The following RFLNA variants were observed in gnomAD, a reference collection of about 807,000 sequenced individuals.
RFLNA encodes the protein refilin-A.
In RFLNA, 5 loss-of-function variants were observed where a neutral mutation model predicts 7.8. The observed-to-expected ratio is 0.64, with a 90% CI of 0.34 to 1.35. The LOEUF is 1.35. Ranked by LOEUF, RFLNA falls within the 40% of genes most tolerant of loss-of-function variation. The probability of loss-of-function intolerance (pLI) is 0.04; values close to 1 mark genes in which losing one functional copy is unlikely to be tolerated. For synonymous variants in RFLNA, 141 were observed against 131.3 expected, an observed-to-expected ratio of 1.07 and a Z score of -0.50; for missense variants, 278 against 305.5, an observed-to-expected ratio of 0.91 and a Z score of 0.67.
In RFLNA at chr12:124,311,789, T is replaced by A. The variant is rs769199159; in HGVS notation, c.208-29T>A. 6 of 1,529,138 alleles carry A rather than the reference T, an allele frequency of 3.9e-6. No individual in the cohort carries two copies. The Admixed American group carries it at 1.2e-4, about 30-fold the overall frequency. 94.7% of individuals were successfully genotyped at this position (1,529,138 alleles called of 1,614,324 possible). A position where few individuals can be genotyped will look rare whatever the true frequency, so the allele number is the denominator to read the frequency against. ...GAGGCCACTGCAACAAGGGGCTGCA[T>A]AACCCCGTGTCCCTGGCTCTCCCCA... On this transcript the variant is annotated intron_variant, in intron 1 of 2. Coordinates refer to ENST00000546355, the MANE Select transcript of RFLNA (RefSeq NM_001365156.1).
At position 124,290,052 on chromosome 12, in the gene RFLNA, ACTT is replaced by A. The variant is rs1335081844; in HGVS notation, c.-37+688_-37+690del. ...CGCCCCTTTGAACTCCTCCACTTCA[ACTT>A]CTTCTGTGGCTACTTTCAAACCCTC... On this transcript the variant is annotated intron_variant, in intron 1 of 2. Coordinates refer to the RFLNA transcript ENST00000324038. The surrounding 1 kb of genome is among the most constrained non-coding windows in gnomAD (Gnocchi z 4.0). 6.6e-6 allele frequency among the ~76,000 whole-genome samples: 1 copy of A among 152,028 alleles called. No individual in the cohort carries two copies. Among genetic ancestry groups the A allele is most frequent in the Non-Finnish European group, 1.5e-5 (1 of 67,998 alleles).
At chr12:124,305,350 C>G (rs755241423) in intron 1 of RFLNA, among the ~76,000 whole-genome samples, 1 of 152,224 alleles carries the variant, frequency 6.6e-6, no homozygotes, top group Non-Finnish European at 1.5e-5. Context: ...GTCCTCCTAA[C>G]GGCCCACTTC....
intron 1 of RFLNA, among the ~76,000 whole-genome samples, chr12:124,299,782 T>C (rs868145701): frequency 3.3e-4 from 51 of 152,258 alleles, no homozygotes; most frequent in Admixed American, 3.3e-4. Flanking sequence ...CTCACAGATA[T>C]TTAAAGCGGG....
rs987550698 is a variant in RFLNA, at chr12:124,306,156, G to A, written c.208-5662G>A. On this transcript the variant is annotated intron_variant, in intron 1 of 2. Transcript: ENST00000546355. The surrounding 1 kb of genome is among the most constrained non-coding windows in gnomAD (Gnocchi z 5.2). ...GTGTGGGGTCTCCCCTCCCCATAGT[G>A]CAGGGGCGGAGAGGTGCCAGGTCCT... Among the ~76,000 whole-genome samples, 7 of 152,044 alleles carry A rather than the reference G, an allele frequency of 4.6e-5. No individual in the cohort carries two copies. Among genetic ancestry groups the A allele is most frequent in the African/African-American group, 1.7e-4 (7 of 41,388 alleles).
At chr12:124,298,990 G>C (rs1325510968) in intron 1 of RFLNA, among the ~76,000 whole-genome samples, 2 of 152,254 alleles carry the variant, frequency 1.3e-5, no homozygotes, top group Non-Finnish European at 2.9e-5. Context: ...AAAGAGGCAG[G>C]GACCACCGGA....
At chr12:124,308,981 A>G (rs1268716423) in intron 1 of RFLNA, among the ~76,000 whole-genome samples, 1 of 152,226 alleles carries the variant, frequency 6.6e-6, no homozygotes, top group East Asian at 1.9e-4. Context: ...GGCGTTTTTC[A>G]ACCTACTGAA....
Position 124,302,929 on chromosome 12 carries a change from G to C in RFLNA, c.207+7293G>C, listed in dbSNP as rs367615230. ...TGGCTTTCATAAGGACGCCTCTCCC[G>C]CGGCCCGTGTGGGGCTCCCTGGCTA... On this transcript the variant is annotated intron_variant, in intron 1 of 2. Coordinates refer to ENST00000546355, the MANE Select transcript of RFLNA (RefSeq NM_001365156.1). Among the ~76,000 whole-genome samples, 873 of 152,094 alleles carry C rather than the reference G, an allele frequency of 5.7e-3. 11 individuals carry two copies. Among genetic ancestry groups the C allele is most frequent in the Non-Finnish European group, 7.4e-3 (504 of 67,984 alleles).
At chr12:124,293,174 G>A (rs538788403), upstream of RFLNA, among the ~76,000 whole-genome samples, 7 of 152,246 alleles carry the variant, frequency 4.6e-5, no homozygotes, top group Non-Finnish European at 8.8e-5. Flanking sequence ...GGATCCACCC[G>A]CCTCAGCTTC....
rs2034314302 is a variant in RFLNA at position 124,314,512 on chromosome 12, C to T, written c.638C>T (p.Pro213Leu). The T allele has an allele frequency of 1.9e-6, 3 of 1,581,340 alleles. No homozygotes were observed. The highest frequency in any genetic ancestry group is 2.6e-6 in the Non-Finnish European group (3 of 1,170,664). ...GACCCTGCCCCCAGCCTCCTGGGCCCTGCCACGCTCTGACGGGGCTGGGGC... is the reference window on the plus strand; with the variant it reads ...GACCCTGCCCCCAGCCTCCTGGGCCTTGCCACGCTCTGACGGGGCTGGGGC... Reference protein sequence around the residue: ...CQDPAPSLLGPATL With the variant: ...CQDPAPSLLGLATL The change falls in exon 3 of 3, where the codon CCT becomes CTT. Residue 213 changes from proline to leucine, a missense_variant. Transcript: ENST00000546355.
intron 1 of RFLNA, among the ~76,000 whole-genome samples, chr12:124,298,083 G>A (rs966461530): frequency 2.0e-5 from 3 of 152,202 alleles, no homozygotes; most frequent in African/African-American, 7.2e-5. Flanking sequence ...GGTTCAGACC[G>A]CGTTTGGCAG....
chr12:124,305,077 TG>T (rs1448418720), intron 1 of RFLNA, among the ~76,000 whole-genome samples: 1 of 152,358 alleles, frequency 6.6e-6, no homozygotes, highest in African/African-American at 2.4e-5. Flanking sequence ...AAGATGAGGA[TG>T]GGCCTGTCTT....
chr12:124,308,442 C>G (rs1444486432), intron 1 of RFLNA, among the ~76,000 whole-genome samples: 3 of 151,984 alleles, frequency 2.0e-5, no homozygotes, highest in African/African-American at 2.4e-5. Context: ...GGGGGGGGAC[C>G]CTGTTCTACC....
At chr12:124,303,951 G>A (rs748541022) in intron 1 of RFLNA, among the ~76,000 whole-genome samples, 7 of 152,146 alleles carry the variant, frequency 4.6e-5, no homozygotes, top group East Asian at 1.9e-4. Context: ...GCATGTGCCT[G>A]ACCCCTTCCC....
chr12:124,314,547 G>A lies in RFLNA; in HGVS notation c.*22G>A. On this transcript the variant is annotated 3_prime_UTR_variant, in exon 3 of 3. Transcript: ENST00000546355. Reference sequence around the variant, plus strand: ...CTGACGGGGCTGGGGCCGGCCCGGGGTGCTGGAGGAGCCGGGAGCCCTGGG... The same window carrying A: ...CTGACGGGGCTGGGGCCGGCCCGGGATGCTGGAGGAGCCGGGAGCCCTGGG... 1 of 1,551,834 alleles carries A rather than the reference G, an allele frequency of 6.4e-7. No homozygotes were observed. The highest frequency in any genetic ancestry group is 8.7e-7 in the Non-Finnish European group (1 of 1,155,124).
intron 2 of RFLNA, 102 bp downstream of exon 2, chr12:124,312,029 G>A (rs1463253569): frequency 7.5e-7 from 1 of 1,329,180 alleles, no homozygotes; most frequent in Non-Finnish European, 9.9e-7. Context: ...CCAAGCTGGG[G>A]GCTCAGGAGG....
At chr12:124,312,316 ATTTT>A (rs11453894) in intron 2 of RFLNA, among the ~76,000 whole-genome samples, 1 of 144,852 alleles carries the variant, frequency 6.9e-6, no homozygotes, top group Non-Finnish European at 1.5e-5. Context: ...CTCCTGCCAG[ATTTT>A]TTTTTTTTTT....
At chr12:124,300,628 A>G (rs1175097136) in intron 1 of RFLNA, among the ~76,000 whole-genome samples, 1 of 151,580 alleles carries the variant, frequency 6.6e-6, no homozygotes, top group Non-Finnish European at 1.5e-5. Flanking sequence ...GAATGGGTGG[A>G]TGGATGGATG....
rs538531961 is a variant in RFLNA, at chr12:124,289,784, C to T, written c.-37+414C>T. Among the ~76,000 whole-genome samples the T allele has an allele frequency of 3.3e-4, 50 of 152,278 alleles. No individual in the cohort carries two copies. The highest frequency in any genetic ancestry group is 9.4e-4 in the African/African-American group (39 of 41,566). On this transcript the variant is annotated intron_variant, in intron 1 of 2. Coordinates refer to the RFLNA transcript ENST00000324038. This position sits in a 1 kb window ranked among gnomAD's most constrained non-coding sequence, Gnocchi z 5.0. ...AGCTGGGGACTGAGCAAGGGCACTG[C>T]GGAAAAGTCCCTCGGGTGAGACAGG...
intron 1 of RFLNA, among the ~76,000 whole-genome samples, chr12:124,299,598 TAC>T (rs2033991203): frequency 6.6e-6 from 1 of 152,230 alleles, no homozygotes; most frequent in Non-Finnish European, 1.5e-5. Flanking sequence ...AAATGAGAAA[TAC>T]AGTGTTTGGT....
Sources: gnomAD v4.1 joint callset for allele counts (sites outside exome capture counted in the v4.1 genomes callset) on GRCh38, gnomAD v4.1.1 for gene constraint, Gnocchi (gnomAD v3.1) non-coding constraint, MANE v1.5 for transcripts, NCBI Gene and HGNC (gene_info 2026-07-23, HGNC 2026-07-21) for gene names.